The following SNX29 variants were observed in gnomAD, a reference collection of about 807,000 sequenced individuals.
The protein encoded by SNX29 is sorting nexin 29.
SNX29 carries 78 observed loss-of-function variants against 102.1 expected under a neutral mutation model. That is an observed-to-expected ratio of 0.76 (90% CI 0.64 to 0.92). The LOEUF (loss-of-function observed/expected upper bound fraction) is 0.92. Among genes scored for constraint, SNX29 ranks in the 40% least tolerant of loss-of-function variants. The pLI is 0.00. For synonymous variants in SNX29, 580 were observed against 414.5 expected, an observed-to-expected ratio of 1.40 and a Z score of -4.85; for missense variants, 1,280 against 1,061.7, an observed-to-expected ratio of 1.21 and a Z score of -2.86.
chr16:12,450,891 T>C (rs77656198), intron 18 of SNX29, among the ~76,000 whole-genome samples: 2,907 of 151,938 alleles, frequency 0.019, 99 homozygotes, highest in African/African-American at 0.066. Context: ...CCAGAACACA[T>C]GAGGAGGTAG....
chr16:12,488,736 A>G (rs2088382427), intron 19 of SNX29, among the ~76,000 whole-genome samples: 1 of 152,138 alleles, frequency 6.6e-6, no homozygotes, highest in Admixed American at 6.6e-5. Context: ...GACATTGACC[A>G]GCTGATACTT....
chr16:12,565,054 C>T lies in SNX29; in HGVS notation c.2319-3452C>T, dbSNP rs544066810. Among the ~76,000 whole-genome samples the T allele has an allele frequency of 1.3e-4, 20 of 152,262 alleles. No homozygotes were observed. In the South Asian group the frequency reaches 2.5e-3, roughly 19 times the overall value. On this transcript the variant is annotated intron_variant, in intron 20 of 20. Coordinates refer to ENST00000566228, the MANE Select transcript of SNX29 (RefSeq NM_032167.5). ...TGAGCCTGGCACTGGCTTCATTCCC[C>T]TGTAGCAAAGGGGCCCAGTGGGGAC...
Position 12,571,090 on chromosome 16 carries a change from G to A in SNX29, c.*2461G>A, listed in dbSNP as rs369119141. 7 of 232,344 alleles carry A rather than the reference G, an allele frequency of 3.0e-5. No individual in the cohort carries two copies. The highest frequency in any genetic ancestry group is 1.2e-4 in the East Asian group (2 of 16,504). 14.4% of individuals were successfully genotyped at this position (232,344 alleles called of 1,614,324 possible). Reference sequence around the variant, plus strand: ...GGCCCGCACATGACAGCAACTCCCCGAAGCCTTCCCTTTGGAATCCCATAG... The same window carrying A: ...GGCCCGCACATGACAGCAACTCCCCAAAGCCTTCCCTTTGGAATCCCATAG... On this transcript the variant is annotated 3_prime_UTR_variant, in exon 21 of 21. Coordinates refer to ENST00000566228, the MANE Select transcript of SNX29 (RefSeq NM_032167.5).
chr16:11,995,644 C>CT (rs923277724), intron 1 of SNX29, among the ~76,000 whole-genome samples: 1 of 132,966 alleles, frequency 7.5e-6, no homozygotes. Flanking sequence ...GCAAAATACT[C>CT]TTAAAAAAAA....
At chr16:12,363,807 G>C (rs764741017) in intron 16 of SNX29, among the ~76,000 whole-genome samples, 2 of 152,168 alleles carry the variant, frequency 1.3e-5, no homozygotes, top group Non-Finnish European at 2.9e-5. Context: ...AAGTGTTTCA[G>C]ATTTCTTTAC....
At chr16:12,008,336 C>G (rs1434195484) in intron 3 of SNX29, among the ~76,000 whole-genome samples, 1 of 152,164 alleles carries the variant, frequency 6.6e-6, no homozygotes, top group Non-Finnish European at 1.5e-5. Flanking sequence ...ATGGCGCGAT[C>G]TTGGCTCACC....
intron 18 of SNX29, among the ~76,000 whole-genome samples, chr16:12,441,645 G>GT (rs2085812906): frequency 1.3e-5 from 2 of 152,120 alleles, no homozygotes; most frequent in East Asian, 1.9e-4. Context: ...CAATTTATCT[G>GT]TTTTTTCTTT....
intron 20 of SNX29, among the ~76,000 whole-genome samples, chr16:12,534,138 C>G (rs767267542): frequency 6.6e-5 from 10 of 152,236 alleles, no homozygotes; most frequent in Non-Finnish European, 1.2e-4. Context: ...AGCTCCAACA[C>G]CAGGCCTCAG....
intron 15 of SNX29, among the ~76,000 whole-genome samples, chr16:12,324,660 C>T (rs1044156444): frequency 2.6e-5 from 4 of 152,100 alleles, no homozygotes; most frequent in African/African-American, 9.7e-5. Context: ...TCCCCTTCCC[C>T]TCTCCTGCTA....
At chr16:12,389,220 G>C (rs533824522) in intron 16 of SNX29, among the ~76,000 whole-genome samples, 1 of 152,176 alleles carries the variant, frequency 6.6e-6, no homozygotes, top group East Asian at 1.9e-4. Context: ...TTCCCTGGCT[G>C]TTAAATTGGA....
In SNX29 at chr16:12,573,789, C is replaced by T. The variant is rs1221504175; in HGVS notation, c.*5160C>T. ...GTGACCCCAGAGACCATTAATTTCC[C>T]GGAGTGAAGGGGATGGGGGTAGAGC... is the stretch of plus-strand genomic sequence containing the variant. On this transcript the variant is annotated 3_prime_UTR_variant, in exon 21 of 21. Transcript: ENST00000566228. The T allele has an allele frequency of 3.2e-5, 7 of 222,078 alleles. No individual in the cohort carries two copies. The highest frequency in any genetic ancestry group is 6.7e-5 in the African/African-American group (3 of 44,642). The allele number at this position is 222,078 out of a possible 1,614,324, so 13.8% of individuals were successfully genotyped here.
At chr16:12,134,131 C>G (rs545388375) in intron 13 of SNX29, among the ~76,000 whole-genome samples, 1 of 152,218 alleles carries the variant, frequency 6.6e-6, no homozygotes, top group African/African-American at 2.4e-5. Context: ...AAAGCTCAAG[C>G]TATGAGACAT....
intron 20 of SNX29, among the ~76,000 whole-genome samples, chr16:12,559,013 G>C (rs139027180): frequency 5.9e-5 from 9 of 152,290 alleles, no homozygotes; most frequent in East Asian, 5.8e-4. Context: ...GGGGGAGAGA[G>C]ACAAAAGACT....
chr16:12,113,694 G>A (rs2053582281), intron 11 of SNX29, among the ~76,000 whole-genome samples: 1 of 152,244 alleles, frequency 6.6e-6, no homozygotes, highest in African/African-American at 2.4e-5. Flanking sequence ...CATGAGGCCA[G>A]TGACAACAGA....
At chr16:12,050,297 C>T (rs940693220) in intron 7 of SNX29, among the ~76,000 whole-genome samples, 1 of 152,194 alleles carries the variant, frequency 6.6e-6, no homozygotes, top group Non-Finnish European at 1.5e-5. Context: ...GTCTTACATC[C>T]AAGTGTGATG....
intron 4 of SNX29, among the ~76,000 whole-genome samples, chr16:12,030,580 C>G (rs548495803): frequency 6.6e-6 from 1 of 152,326 alleles, no homozygotes; most frequent in East Asian, 1.9e-4. Flanking sequence ...AGTGAATTCT[C>G]TTCTTTCTCC....
At chr16:12,150,990 C>T (rs1372747934) in intron 13 of SNX29, among the ~76,000 whole-genome samples, 3 of 152,116 alleles carry the variant, frequency 2.0e-5, no homozygotes, top group Non-Finnish European at 4.4e-5. Context: ...GATACCTTTC[C>T]CCTGTCTGCT....
chr16:12,109,918 A>T (rs975754347), intron 11 of SNX29, among the ~76,000 whole-genome samples: 7 of 152,006 alleles, frequency 4.6e-5, no homozygotes, highest in Admixed American at 1.3e-4. Flanking sequence ...TTTAGTAGAG[A>T]CAGAGTTTCA....
chr16:12,352,847 C>T (rs1345984062), intron 15 of SNX29, among the ~76,000 whole-genome samples: 1 of 152,212 alleles, frequency 6.6e-6, no homozygotes, highest in Non-Finnish European at 1.5e-5. Context: ...TGTCAAATGG[C>T]ATCTCCTCCT....
Sources: gnomAD v4.1 joint callset for allele counts (sites outside exome capture counted in the v4.1 genomes callset) on GRCh38, gnomAD v4.1.1 for gene constraint, MANE v1.5 for transcripts, NCBI Gene and HGNC (gene_info 2026-07-23, HGNC 2026-07-21) for gene names.